Variants in POFUT3 observed in about 807,000 individuals in gnomAD.
The protein encoded by POFUT3 is protein O-fucosyltransferase 3.
chr8:33,398,690 C>T, the POFUT3 span, among the ~76,000 whole-genome samples: 2 of 152,098 alleles, frequency 1.3e-5, no homozygotes, highest in Non-Finnish European at 2.9e-5. Flanking sequence ...ATATAACAAA[C>T]CTGCACATGT....
the POFUT3 span, among the ~76,000 whole-genome samples, chr8:33,341,764 A>T: frequency 3.3e-5 from 5 of 152,194 alleles, no homozygotes; most frequent in Admixed American, 3.3e-4. Flanking sequence ...CAGAAAAACA[A>T]TAAAGAAAAT....
At chr8:33,369,679 A>G in the POFUT3 span, among the ~76,000 whole-genome samples, 1 of 152,130 alleles carries the variant, frequency 6.6e-6, no homozygotes, top group Admixed American at 6.5e-5. Context: ...GAATTCATAC[A>G]GTCTTTTATA....
At chr8:33,426,436 C>T in the POFUT3 span, among the ~76,000 whole-genome samples, 3 of 152,124 alleles carry the variant, frequency 2.0e-5, no homozygotes, top group Non-Finnish European at 4.4e-5. Context: ...GGAATGAAAG[C>T]ACAGTGAAGA....
the POFUT3 span, among the ~76,000 whole-genome samples, chr8:33,431,820 A>T: frequency 6.6e-6 from 1 of 152,048 alleles, no homozygotes. Context: ...AAGAGATAAA[A>T]CCAAAGATAC....
the POFUT3 span, among the ~76,000 whole-genome samples, chr8:33,470,463 T>G: frequency 6.6e-6 from 1 of 152,042 alleles, no homozygotes; most frequent in Non-Finnish European, 1.5e-5. Flanking sequence ...CACAAGACTA[T>G]GAAGTTTATG....
At chr8:33,467,760 A>G in the POFUT3 span, among the ~76,000 whole-genome samples, 1 of 152,216 alleles carries the variant, frequency 6.6e-6, no homozygotes, top group South Asian at 2.1e-4. Context: ...TAAGATGGAC[A>G]GAAGAGGGAC....
the POFUT3 span, among the ~76,000 whole-genome samples, chr8:33,340,039 A>G: frequency 6.6e-6 from 1 of 152,292 alleles, no homozygotes; most frequent in Non-Finnish European, 1.5e-5. Context: ...TACAACACTG[A>G]TAAATTTCTA....
At chr8:33,380,100 C>CTATATATATACTATATATATACACTA in the POFUT3 span, among the ~76,000 whole-genome samples, 111 of 59,932 alleles carry the variant, frequency 1.9e-3, 7 homozygotes, top group African/African-American at 6.4e-3. Flanking sequence ...TATATATACA[C>CTATATATATACTATATATATACACTA]TATATATATA....
the POFUT3 span, among the ~76,000 whole-genome samples, chr8:33,383,439 C>T: frequency 7.9e-5 from 12 of 152,240 alleles, no homozygotes; most frequent in African/African-American, 2.9e-4. Context: ...GAAACAGAGG[C>T]CCTACTCTGA....
the POFUT3 span, among the ~76,000 whole-genome samples, chr8:33,468,122 C>A: frequency 1.3e-5 from 2 of 152,038 alleles, no homozygotes; most frequent in African/African-American, 2.4e-5. Flanking sequence ...CACCTGTAAT[C>A]CCAGCTACTG....
the POFUT3 span, among the ~76,000 whole-genome samples, chr8:33,435,326 T>C: frequency 1.3e-5 from 2 of 151,666 alleles, no homozygotes; most frequent in Non-Finnish European, 2.9e-5. Context: ...CAAGTGATTC[T>C]TCTGCCTCAG....
At chr8:33,351,845 A>G in the POFUT3 span, among the ~76,000 whole-genome samples, 1 of 152,234 alleles carries the variant, frequency 6.6e-6, no homozygotes, top group Non-Finnish European at 1.5e-5. Flanking sequence ...GTAGAAGATA[A>G]AAACTAGCAA....
At chr8:33,457,357 G>A in the POFUT3 span, among the ~76,000 whole-genome samples, 11 of 152,044 alleles carry the variant, frequency 7.2e-5, no homozygotes, top group African/African-American at 1.4e-4. Flanking sequence ...TTAGCTGTGC[G>A]TGGTGGCACA....
chr8:33,353,559 G>T, the POFUT3 span, among the ~76,000 whole-genome samples: 1 of 151,974 alleles, frequency 6.6e-6, no homozygotes, highest in East Asian at 1.9e-4. Flanking sequence ...CTTGTTTTTC[G>T]TGCCCTTCAT....
the POFUT3 span, among the ~76,000 whole-genome samples, chr8:33,378,183 G>A: frequency 2.6e-5 from 4 of 152,154 alleles, no homozygotes; most frequent in African/African-American, 9.7e-5. Context: ...CGTGGTGGAT[G>A]ATCTTCCTCT....
the POFUT3 span, chr8:33,389,528 T>G: frequency 6.2e-7 from 1 of 1,614,090 alleles, no homozygotes; most frequent in African/African-American, 1.3e-5. Flanking sequence ...TGACTGTACA[T>G]ACACCAGCGG....
At chr8:33,431,478 G>T in the POFUT3 span, among the ~76,000 whole-genome samples, 1 of 142,120 alleles carries the variant, frequency 7.0e-6, no homozygotes, top group Non-Finnish European at 1.5e-5. Flanking sequence ...AACCTGGGAG[G>T]CAGAGGTTGC....
the POFUT3 span, among the ~76,000 whole-genome samples, chr8:33,334,902 C>G: frequency 6.6e-6 from 1 of 152,172 alleles, no homozygotes; most frequent in Admixed American, 6.5e-5. Flanking sequence ...TGGCTATGAC[C>G]CTACACCACA....
the POFUT3 span, among the ~76,000 whole-genome samples, chr8:33,348,362 A>C: frequency 6.6e-6 from 1 of 152,004 alleles, no homozygotes; most frequent in South Asian, 2.1e-4. Context: ...TAATGAGTCC[A>C]CCTCCTCATT....
Sources: gnomAD v4.1 joint callset for allele counts (sites outside exome capture counted in the v4.1 genomes callset) on GRCh38, gnomAD v4.1.1 for gene constraint, MANE v1.5 for transcripts, NCBI Gene and HGNC (gene_info 2026-07-23, HGNC 2026-07-21) for gene names.